Variants in SORT1 observed in about 807,000 individuals in gnomAD.
SORT1 encodes the protein sortilin 1, also known as sortilin.
A neutral mutation model predicts 101.7 loss-of-function variants in SORT1; 39 were observed. The observed-to-expected ratio is 0.38, with a 90% CI of 0.30 to 0.50. SORT1 has a LOEUF of 0.50. SORT1 is among the 20% of genes least tolerant of loss of function. The pLI is 0.90. For missense variants in SORT1, 878 were observed against 1,040.4 expected (o/e 0.84, Z 2.15); for synonymous variants, 396 against 393.7 (o/e 1.01, Z -0.07).
chr1:109,340,736 C>T lies in SORT1; in HGVS notation c.1252G>A (p.Val418Met), dbSNP rs753398148. The T allele has an allele frequency of 6.3e-5, 101 of 1,613,970 alleles. No individual in the cohort carries two copies. The highest frequency in any genetic ancestry group is 5.8e-4 in the East Asian group (26 of 44,896). ...TSLRGVYITSVLSEDNSIQTM... is the reference protein window; with the variant it reads ...TSLRGVYITSMLSEDNSIQTM... Reference sequence around the variant, plus strand: ...TGCCGAGACTCACCTTCGGAGAGCACGCTTGTTATGTAGACGCCGCGGAGG... The same window carrying T: ...TGCCGAGACTCACCTTCGGAGAGCATGCTTGTTATGTAGACGCCGCGGAGG... The change falls in exon 10 of 20, where the codon GTG (valine) becomes ATG (methionine). Residue 418 changes from valine (V) to methionine (M), a missense_variant. This residue lies in a region of SORT1 where 684 missense variants were observed against 894.5 expected (regional missense o/e 0.76). Coordinates refer to ENST00000256637, the MANE Select transcript of SORT1 (RefSeq NM_002959.7).
chr1:109,344,949 A>G (rs1441696557), intron 8 of SORT1, among the ~76,000 whole-genome samples: 1 of 152,094 alleles, frequency 6.6e-6, no homozygotes, highest in African/African-American at 2.4e-5. Flanking sequence ...CACCCGCCTC[A>G]GCCTCCCAAA....
intron 11 of SORT1, among the ~76,000 whole-genome samples, chr1:109,335,216 C>T (rs1443911346): frequency 6.6e-6 from 1 of 152,062 alleles, no homozygotes; most frequent in Non-Finnish European, 1.5e-5. Flanking sequence ...CTTTACTCAC[C>T]AGGTCAGGGA....
intron 16 of SORT1, 38 bp from the exon 17 acceptor site, chr1:109,316,996 A>T (rs765254817): frequency 3.0e-6 from 4 of 1,323,276 alleles, no homozygotes; most frequent in Non-Finnish European, 4.3e-6. Context: ...GAAGATAAGG[A>T]TGTATTCCTG....
intron 15 of SORT1, among the ~76,000 whole-genome samples, chr1:109,320,589 T>C (rs772674245): frequency 2.2e-4 from 34 of 152,318 alleles, no homozygotes; most frequent in Non-Finnish European, 4.1e-4. Flanking sequence ...ATCCTACCAT[T>C]TGTCAACGCT....
rs774927404 is a variant in SORT1 at position 109,367,463 on chromosome 1, T to C, written c.385A>G (p.Thr129Ala). The part of the protein sequence containing the change: ...DSTGVILVLT[T>A]FHVPLVIMTF... ...ATAATTACCAGTGGTACATGGAAGG[T>C]AGTCAAGACTAGAATGACCTGGAGA... The change falls in exon 3 of 20, where the codon ACC (threonine) becomes GCC (alanine). Residue 129 changes from threonine (T) to alanine (A), a missense_variant. Thr to Ala is a moderately conservative substitution (Grantham distance 58). Around this residue, in one of 2 missense-constraint regions of SORT1, gnomAD observed 684 missense variants for 894.5 expected, o/e 0.76. Transcript: ENST00000256637. 1.9e-6 allele frequency: 3 copies of C among 1,603,250 alleles called. No individual in the cohort carries two copies. The highest frequency in any genetic ancestry group is 1.7e-4 in the Middle Eastern group (1 of 6,044).
At chr1:109,396,891 G>C (rs1653207022) in intron 1 of SORT1, among the ~76,000 whole-genome samples, 1 of 152,248 alleles carries the variant, frequency 6.6e-6, no homozygotes, top group Admixed American at 6.5e-5. Flanking sequence ...CAAAGGTTGA[G>C]CTGCTTGTCC....
chr1:109,326,196 C>T (rs973477955), intron 13 of SORT1, among the ~76,000 whole-genome samples: 4 of 148,546 alleles, frequency 2.7e-5, no homozygotes, highest in African/African-American at 7.4e-5. Flanking sequence ...CAAAGGCGTG[C>T]ACCACCACGC....
chr1:109,363,566 G>C (rs1650884411), intron 3 of SORT1, among the ~76,000 whole-genome samples: 1 of 152,044 alleles, frequency 6.6e-6, no homozygotes, highest in African/African-American at 2.4e-5. Context: ...ATGGCCTAAA[G>C]ACAGAAGTAT....
chr1:109,367,201 T>C, intron 3 of SORT1: 1 of 419,328 alleles, frequency 2.4e-6, no homozygotes, highest in Non-Finnish European at 4.3e-6. Context: ...CACTCCAGCC[T>C]GGGTGACAAG....
chr1:109,318,952 G>T (rs1053030499), intron 15 of SORT1, among the ~76,000 whole-genome samples: 1 of 152,170 alleles, frequency 6.6e-6, no homozygotes, highest in East Asian at 1.9e-4. Context: ...GCTAATTTTT[G>T]TATTTTCTGT....
chr1:109,385,627 C>A (rs922258650), intron 1 of SORT1, among the ~76,000 whole-genome samples: 4 of 152,156 alleles, frequency 2.6e-5, no homozygotes, highest in African/African-American at 9.7e-5. Context: ...TGGGCGCTAA[C>A]CCCTTCCCCC....
chr1:109,326,361 G>C (rs1439227942), intron 13 of SORT1, among the ~76,000 whole-genome samples: 3 of 140,842 alleles, frequency 2.1e-5, no homozygotes, highest in Non-Finnish European at 3.0e-5. Context: ...CTCAGAACTT[G>C]TACTTAAGAA....
intron 16 of SORT1, 46 bp from the exon 17 acceptor site, chr1:109,317,004 C>CT (rs1557777053): frequency 5.1e-6 from 6 of 1,179,078 alleles, no homozygotes; most frequent in Non-Finnish European, 7.4e-6. Context: ...GGATGTATTC[C>CT]TGGGTACCTG....
intron 1 of SORT1, chr1:109,397,361 T>C (rs961472120): frequency 1.9e-5 from 3 of 158,286 alleles, no homozygotes; most frequent in African/African-American, 4.9e-5. Flanking sequence ...AAAAAAAGAA[T>C]GCGGTGGAAG....
chr1:109,318,480 A>G (rs1050949326), intron 15 of SORT1, among the ~76,000 whole-genome samples: 1 of 151,996 alleles, frequency 6.6e-6, no homozygotes, highest in African/African-American at 2.4e-5. Context: ...AAAGAAGCTT[A>G]TGGGTCAGGC....
intron 8 of SORT1, among the ~76,000 whole-genome samples, chr1:109,342,815 T>C (rs910932311): frequency 5.9e-5 from 9 of 152,042 alleles, no homozygotes; most frequent in Non-Finnish European, 1.2e-4. Flanking sequence ...AGAAAGCAAT[T>C]AAAACTTAAC....
In SORT1 at chr1:109,355,475, AG is replaced by A. The variant is rs762716392; in HGVS notation, c.441-7del. Reference sequence around the variant, plus strand: ...AGTTCTTCCCATAATCCTCACTGAGAGGAAGAAAAAAAGGGCAAATTTAGGG... The same window carrying A: ...AGTTCTTCCCATAATCCTCACTGAGAGAAGAAAAAAAGGGCAAATTTAGGG... On this transcript the variant is annotated splice_polypyrimidine_tract_variant and splice_region_variant and intron_variant, in intron 3 of 19. Transcript: ENST00000256637. 66 of 1,469,860 alleles carry A rather than the reference AG, an allele frequency of 4.5e-5. No homozygotes were observed. In the African/African-American group the frequency reaches 5.8e-4, roughly 13 times the overall value. The allele number at this position is 1,469,860 out of a possible 1,614,324, so 91.1% of individuals were successfully genotyped here. A position where few individuals can be genotyped will look rare whatever the true frequency, so the allele number is the denominator to read the frequency against.
intron 17 of SORT1, among the ~76,000 whole-genome samples, chr1:109,315,486 A>C (rs1359274811): frequency 2.0e-5 from 3 of 151,946 alleles, no homozygotes; most frequent in African/African-American, 7.3e-5. Context: ...CCCCCTTACC[A>C]ATACACACAC....
chr1:109,388,501 A>G (rs952938170), intron 1 of SORT1, among the ~76,000 whole-genome samples: 1 of 152,182 alleles, frequency 6.6e-6, no homozygotes, highest in African/African-American at 2.4e-5. Flanking sequence ...TCAGACTCCA[A>G]AAATCTTGGG....
Sources: allele counts gnomAD v4.1 joint callset (sites outside exome capture counted in the v4.1 genomes callset), GRCh38; gene constraint gnomAD v4.1.1; regional missense constraint gnomAD v4.1.1; transcripts MANE v1.5; gene names NCBI Gene and HGNC (gene_info 2026-07-23, HGNC 2026-07-21).